Variants in VPS13B observed in about 807,000 individuals in gnomAD.
The protein encoded by VPS13B is vacuolar protein sorting 13 homolog B, also known as intermembrane lipid transfer protein VPS13B.
VPS13B carries 285 observed loss-of-function variants against 426.4 expected under a neutral mutation model. That is an observed-to-expected ratio of 0.67 (90% CI 0.61 to 0.74). The LOEUF (loss-of-function observed/expected upper bound fraction) is 0.74. VPS13B is among the 30% of genes least tolerant of loss of function. VPS13B has a pLI of 0.00. For synonymous variants in VPS13B, 1,676 were observed against 1,676.4 expected (o/e 1.00, Z 0.01); for missense variants, 4,537 against 4,782.6 (o/e 0.95, Z 1.51).
At chr8:99,216,219 C>G (rs1313746855) in intron 17 of VPS13B, among the ~76,000 whole-genome samples, 1 of 152,110 alleles carries the variant, frequency 6.6e-6, no homozygotes, top group Non-Finnish European at 1.5e-5. Context: ...CCACATCGAT[C>G]TCTTTTCTGG....
chr8:99,475,476 A>G (rs917964062), intron 24 of VPS13B, among the ~76,000 whole-genome samples: 6 of 152,222 alleles, frequency 3.9e-5, no homozygotes, highest in Non-Finnish European at 5.9e-5. Flanking sequence ...AGCTAACACA[A>G]AAAATATTCT....
rs1214864810 is a variant in VPS13B, at chr8:99,835,198, G to A, written c.9616G>A (p.Ala3206Thr). The A allele has an allele frequency of 6.2e-7, 1 of 1,613,754 alleles. No homozygotes were observed. Among genetic ancestry groups the A allele is most frequent in the Non-Finnish European group, 8.5e-7 (1 of 1,179,908 alleles). ...TCATTTGACTTGATTCTCTTCCAGG[G>A]CTATAGTGCTGACATATCAAGAACA... ...NFRENGFCTR[A>T]IVLTYQEHLG... Residue 3206 changes from alanine to threonine, a missense_variant and splice_region_variant, in exon 53 of 62, where the codon GCT (alanine) becomes ACT (threonine). By Grantham distance (58) the Ala-to-Thr change is moderately conservative. Transcript: ENST00000357162.
rs537227085 is a variant in VPS13B, at chr8:99,451,900, G to A, written c.3445+9265G>A. ...GGCTGTTAGTCTCTTAGACATGTTT[G>A]TACAACACAGTGCTTATTTGGCCCT... On this transcript the variant is annotated intron_variant, in intron 23 of 61. Transcript: ENST00000357162. Among the ~76,000 whole-genome samples, 5 of 152,328 alleles carry A rather than the reference G, an allele frequency of 3.3e-5. 1 individual carries two copies. Among genetic ancestry groups the A allele is most frequent in the African/African-American group, 1.2e-4 (5 of 41,578 alleles).
intron 33 of VPS13B, among the ~76,000 whole-genome samples, chr8:99,628,410 C>T (rs1184073836): frequency 6.6e-6 from 1 of 152,294 alleles, no homozygotes; most frequent in East Asian, 1.9e-4. Flanking sequence ...ATCTCCCTAG[C>T]TGTCTTAGAT....
At chr8:99,836,818 A>G (rs561531149) in intron 54 of VPS13B, among the ~76,000 whole-genome samples, 1 of 152,348 alleles carries the variant, frequency 6.6e-6, no homozygotes, top group African/African-American at 2.4e-5. Flanking sequence ...TAAGCACTTT[A>G]CATTCATTCT....
At chr8:99,716,266 T>C (rs1462464494) in intron 36 of VPS13B, among the ~76,000 whole-genome samples, 1 of 152,176 alleles carries the variant, frequency 6.6e-6, no homozygotes, top group African/African-American at 2.4e-5. Flanking sequence ...ATGTGGTTAC[T>C]GTACTTTAAA....
intron 31 of VPS13B, among the ~76,000 whole-genome samples, chr8:99,563,562 G>A (rs1563798603): frequency 6.6e-6 from 1 of 152,066 alleles, no homozygotes; most frequent in East Asian, 1.9e-4. Flanking sequence ...TGAGTCTATC[G>A]GTGGGGTTTC....
chr8:99,040,963 A>G (rs567470612), intron 3 of VPS13B, among the ~76,000 whole-genome samples: 1 of 152,306 alleles, frequency 6.6e-6, no homozygotes, highest in South Asian at 2.1e-4. Flanking sequence ...TCTACTCTGT[A>G]CTGCACTGAA....
chr8:99,408,035 T>C (rs1815426497), intron 21 of VPS13B, among the ~76,000 whole-genome samples: 1 of 152,088 alleles, frequency 6.6e-6, no homozygotes, highest in Admixed American at 6.6e-5. Context: ...GAGGACAATA[T>C]GGCTGGTGCA....
chr8:99,497,429 C>A (rs1307437848), intron 25 of VPS13B, among the ~76,000 whole-genome samples: 1 of 146,406 alleles, frequency 6.8e-6, no homozygotes, highest in Non-Finnish European at 1.5e-5. Flanking sequence ...CAAATATTTA[C>A]TCTACCTAAA....
intron 33 of VPS13B, among the ~76,000 whole-genome samples, chr8:99,580,380 A>T (rs1825991646): frequency 2.0e-5 from 3 of 150,512 alleles, no homozygotes. Context: ...TTTAGTAGAG[A>T]TGAGGTTTCA....
At chr8:99,694,882 G>A (rs1831881800) in intron 35 of VPS13B, among the ~76,000 whole-genome samples, 1 of 151,976 alleles carries the variant, frequency 6.6e-6, no homozygotes, top group Non-Finnish European at 1.5e-5. Context: ...CAAAAAGTGG[G>A]CAAAGGACAT....
intron 43 of VPS13B, among the ~76,000 whole-genome samples, chr8:99,789,577 C>T (rs1359401198): frequency 6.6e-6 from 1 of 151,992 alleles, no homozygotes; most frequent in Non-Finnish European, 1.5e-5. Flanking sequence ...AGTAATCTAC[C>T]CACTGGAGAG....
intron 12 of VPS13B, among the ~76,000 whole-genome samples, chr8:99,139,397 C>G (rs1056993325): frequency 4.6e-5 from 7 of 150,874 alleles, no homozygotes; most frequent in African/African-American, 1.7e-4. Context: ...CTATCCAGCT[C>G]TAGAGCCTAC....
intron 31 of VPS13B, 39 bp downstream of exon 31, chr8:99,556,692 C>T (rs1215519713): frequency 2.5e-6 from 4 of 1,595,292 alleles, no homozygotes; most frequent in East Asian, 2.2e-5. Flanking sequence ...CTTTCTAATA[C>T]TTCATTGCCA....
intron 31 of VPS13B, among the ~76,000 whole-genome samples, chr8:99,565,989 A>C (rs1317305307): frequency 6.6e-6 from 1 of 152,190 alleles, no homozygotes; most frequent in Non-Finnish European, 1.5e-5. Flanking sequence ...CTTTACATGA[A>C]AAATGTGAAT....
chr8:99,416,069 A>T (rs1017115621), intron 21 of VPS13B, among the ~76,000 whole-genome samples: 2 of 152,190 alleles, frequency 1.3e-5, no homozygotes, highest in African/African-American at 4.8e-5. Flanking sequence ...TTTATCTATA[A>T]GCCCCTGACT....
chr8:99,574,390 G>C (rs1430381634), intron 31 of VPS13B, among the ~76,000 whole-genome samples: 2 of 152,168 alleles, frequency 1.3e-5, no homozygotes, highest in Admixed American at 6.5e-5. Context: ...AGTTTTCAAA[G>C]GGAATGCTTC....
intron 33 of VPS13B, among the ~76,000 whole-genome samples, chr8:99,599,737 C>A (rs1240788044): frequency 1.3e-5 from 2 of 152,078 alleles, no homozygotes; most frequent in African/African-American, 4.8e-5. Context: ...TTTTCCACAG[C>A]AAATGACTTA....
Sources: allele counts gnomAD v4.1 joint callset (sites outside exome capture counted in the v4.1 genomes callset), GRCh38; gene constraint gnomAD v4.1.1; transcripts MANE v1.5; gene names NCBI Gene and HGNC (gene_info 2026-07-23, HGNC 2026-07-21).